FRMPD2: variants seen among roughly 807,000 people sequenced by gnomAD.
FRMPD2 encodes the protein FERM and PDZ domain containing 2, also known as FERM and PDZ domain-containing protein 2.
A neutral mutation model predicts 140.1 loss-of-function variants in FRMPD2; 96 were observed. The ratio of observed to expected loss-of-function variants is 0.69; its 90% confidence interval spans 0.58 to 0.81. FRMPD2 has a LOEUF of 0.81. FRMPD2 is among the 40% of genes least tolerant of loss of function. The pLI, the probability that FRMPD2 is intolerant of heterozygous loss-of-function variation, is 0.00. For synonymous variants in FRMPD2, 449 were observed against 547.6 expected (o/e 0.82, Z 2.52); for missense variants, 1,240 against 1,447.4 (o/e 0.86, Z 2.32).
At chr10:48,232,766 A>G (rs1487333239) in intron 9 of FRMPD2, among the ~76,000 whole-genome samples, 1 of 152,200 alleles carries the variant, frequency 6.6e-6, no homozygotes, top group Non-Finnish European at 1.5e-5. Flanking sequence ...GTGCAGATCC[A>G]ATGAAGAGAC....
chr10:48,255,651 G>A (rs1249350878), intron 1 of FRMPD2, among the ~76,000 whole-genome samples: 4 of 152,248 alleles, frequency 2.6e-5, no homozygotes, highest in Non-Finnish European at 1.5e-5. Context: ...TAGAGTGATA[G>A]ACTAATGAAG....
In FRMPD2 at chr10:48,183,883, G is replaced by A. The variant is rs148284235; in HGVS notation, c.2584+683C>T. On this transcript the variant is annotated intron_variant, in intron 20 of 28. Coordinates refer to ENST00000374201, the MANE Select transcript of FRMPD2 (RefSeq NM_001018071.4). ...AAAAAAGGAAAATCAAATACCGCAT[G>A]TTCTCATTTACAAGTGGGAGCTAAA... 3.2e-3 allele frequency among the ~76,000 whole-genome samples: 364 copies of A among 114,216 alleles called. 4 individuals are homozygous for A. The highest frequency in any genetic ancestry group is 0.012 in the African/African-American group (336 of 29,210). The allele number at this position is 114,216 out of a possible 152,430, so 74.9% of individuals were successfully genotyped here.
At chr10:48,211,002 C>G (rs1430979875) in intron 13 of FRMPD2, among the ~76,000 whole-genome samples, 2 of 152,250 alleles carry the variant, frequency 1.3e-5, no homozygotes, top group Non-Finnish European at 2.9e-5. Context: ...TGTATCTGCA[C>G]AGGCAGAGTA....
intron 5 of FRMPD2, 151 bp downstream of exon 5, chr10:48,242,010 G>T (rs1023250241): frequency 1.3e-5 from 7 of 544,894 alleles, no homozygotes; most frequent in Non-Finnish European, 2.2e-5. Context: ...CACCTGCTAC[G>T]AGTGGCAACG....
intron 1 of FRMPD2, among the ~76,000 whole-genome samples, chr10:48,263,970 G>T (rs905838845): frequency 6.6e-6 from 1 of 151,406 alleles, no homozygotes; most frequent in Non-Finnish European, 1.5e-5. Context: ...TTTAATTCAG[G>T]TATGCAAGGC....
intron 1 of FRMPD2, among the ~76,000 whole-genome samples, chr10:48,264,001 G>A (rs1280660697): frequency 1.3e-5 from 2 of 152,004 alleles, no homozygotes; most frequent in Non-Finnish European, 2.9e-5. Flanking sequence ...ATTTATTAAT[G>A]TAACCCACCA....
At chr10:48,181,621 C>T (rs1438511921) in intron 20 of FRMPD2, among the ~76,000 whole-genome samples, 1 of 151,778 alleles carries the variant, frequency 6.6e-6, no homozygotes, top group Non-Finnish European at 1.5e-5. Context: ...GTGTCTGACT[C>T]GTGACCTGGC....
chr10:48,237,773 A>T (rs2131938544), intron 8 of FRMPD2, among the ~76,000 whole-genome samples: 1 of 152,134 alleles, frequency 6.6e-6, no homozygotes, highest in Non-Finnish European at 1.5e-5. Flanking sequence ...TACATCTTAT[A>T]CAGCGTCCCC....
At chr10:48,177,204 T>C (rs1351883544) in intron 22 of FRMPD2, 2 of 150,802 alleles carry the variant, frequency 1.3e-5, no homozygotes, top group African/African-American at 4.9e-5. Flanking sequence ...CCCTCCCAGG[T>C]TCACGCCATT....
At chr10:48,187,398 G>A in intron 16 of FRMPD2, 106 bp from the exon 17 acceptor site, 1 of 872,716 alleles carries the variant, frequency 1.1e-6, no homozygotes, top group Non-Finnish European at 1.8e-6. Flanking sequence ...TCTGAGTATG[G>A]ATGATGGCCC....
intron 25 of FRMPD2, 118 bp downstream of exon 25, chr10:48,172,828 G>C: frequency 3.5e-6 from 3 of 849,868 alleles, no homozygotes; most frequent in South Asian, 3.0e-5. Flanking sequence ...GATCACTATG[G>C]CTCGCTTTCT....
chr10:48,274,406 A>G (rs531169180), intron 1 of FRMPD2, 137 bp downstream of exon 1: 12 of 754,032 alleles, frequency 1.6e-5, no homozygotes, highest in Admixed American at 2.3e-5. Flanking sequence ...TAATACTCCA[A>G]ATAATACCAC....
intron 11 of FRMPD2, 114 bp downstream of exon 11, chr10:48,223,009 G>T: frequency 2.1e-6 from 2 of 947,100 alleles, no homozygotes; most frequent in East Asian, 2.4e-5. Flanking sequence ...AATAGCTATT[G>T]TTATTTGTAT....
At chr10:48,229,388 G>A (rs1325968998) in intron 10 of FRMPD2, among the ~76,000 whole-genome samples, 1 of 152,122 alleles carries the variant, frequency 6.6e-6, no homozygotes, top group Non-Finnish European at 1.5e-5. Flanking sequence ...CCTTTTGACA[G>A]TTTTGACAGC....
In FRMPD2 at chr10:48,240,499, G is replaced by A. The variant is rs769202091; in HGVS notation, c.568-7C>T. On this transcript the variant is annotated splice_polypyrimidine_tract_variant and splice_region_variant and intron_variant, in intron 5 of 28. Coordinates refer to ENST00000374201, the MANE Select transcript of FRMPD2 (RefSeq NM_001018071.4). The stretch of plus-strand genomic sequence containing the variant: ...CCACAACTCTTTTCTCCACCTGGGG[G>A]TCAAGTGCATCACACATCCACATCC... 6.2e-7 allele frequency: 1 copy of A among 1,613,584 alleles called. No individual in the cohort carries two copies. Among genetic ancestry groups the A allele is most frequent in the South Asian group, 1.1e-5 (1 of 91,086 alleles).
chr10:48,231,559 G>T (rs533562063), intron 10 of FRMPD2, among the ~76,000 whole-genome samples: 18 of 152,230 alleles, frequency 1.2e-4, no homozygotes, highest in Admixed American at 2.0e-4. Context: ...AACCTCCTTA[G>T]ATGCATCTAT....
At chr10:48,241,685 G>A (rs935151690) in intron 5 of FRMPD2, among the ~76,000 whole-genome samples, 3 of 152,142 alleles carry the variant, frequency 2.0e-5, no homozygotes, top group African/African-American at 7.2e-5. Flanking sequence ...GAGTGCACAG[G>A]GCAGCAAGCA....
chr10:48,207,765 G>A (rs925163197), intron 13 of FRMPD2, among the ~76,000 whole-genome samples: 29 of 152,136 alleles, frequency 1.9e-4, no homozygotes, highest in Non-Finnish European at 1.5e-5. Context: ...CCTCTCAGAA[G>A]GGTTGTATTG....
chr10:48,212,290 C>T (rs1414457379), intron 12 of FRMPD2, among the ~76,000 whole-genome samples, 181 bp from the exon 13 acceptor site: 2 of 152,166 alleles, frequency 1.3e-5, no homozygotes, highest in African/African-American at 4.8e-5. Context: ...AACCCTAGGA[C>T]ATGAACAGAA....
Sources: allele counts gnomAD v4.1 joint callset (sites outside exome capture counted in the v4.1 genomes callset), GRCh38; gene constraint gnomAD v4.1.1; transcripts MANE v1.5; gene names NCBI Gene and HGNC (gene_info 2026-07-23, HGNC 2026-07-21).